Variants in CCDC57 observed in about 807,000 individuals in gnomAD.
The protein encoded by CCDC57 is coiled-coil domain-containing protein 57.
Under a neutral mutation model 118.9 loss-of-function variants are expected in CCDC57, and 118 were observed. That is an observed-to-expected ratio of 0.99 (90% CI 0.86 to 1.16). The LOEUF (loss-of-function observed/expected upper bound fraction) is 1.16, where lower values mean the gene tolerates loss of function less well. Among genes scored for constraint, CCDC57 ranks in the 50% most tolerant of loss-of-function variants. The pLI, the probability that CCDC57 is intolerant of heterozygous loss-of-function variation, is 0.00. For missense variants in CCDC57, 1,300 were observed against 1,320.7 expected, an observed-to-expected ratio of 0.98 and a Z score of 0.24; for synonymous variants, 527 against 532.9, an observed-to-expected ratio of 0.99 and a Z score of 0.15.
Position 82,151,775 on chromosome 17 carries a change from T to C in CCDC57, c.2242-2A>G. On this transcript the variant is annotated splice_acceptor_variant, in intron 15 of 19. Transcript: ENST00000665763. LOFTEE classifies it high-confidence loss of function. ...CATAGGCCCTCTCTTGGTGAGGCCCTGTAACAAAACTCACAGGCAGACACC... is the reference window on the plus strand; with the variant it reads ...CATAGGCCCTCTCTTGGTGAGGCCCCGTAACAAAACTCACAGGCAGACACC... The C allele has an allele frequency of 6.5e-7, 1 of 1,549,222 alleles. No homozygotes were observed. The highest frequency in any genetic ancestry group is 1.2e-5 in the South Asian group (1 of 84,018).
chr17:82,196,104 C>T (rs1238203689), intron 4 of CCDC57, among the ~76,000 whole-genome samples: 1 of 152,208 alleles, frequency 6.6e-6, no homozygotes, highest in East Asian at 1.9e-4. Context: ...AATGGCTGCG[C>T]CCTGCCAACT....
chr17:82,102,632 C>T (rs2034529916), intron 19 of CCDC57, among the ~76,000 whole-genome samples: 2 of 152,132 alleles, frequency 1.3e-5, no homozygotes, highest in Admixed American at 1.3e-4. Flanking sequence ...TCTGTAATCC[C>T]AGCACTTTGG....
At chr17:82,135,596 G>A (rs564938747) in intron 16 of CCDC57, among the ~76,000 whole-genome samples, 26 of 152,132 alleles carry the variant, frequency 1.7e-4, no homozygotes, top group Non-Finnish European at 3.4e-4. Context: ...GGAAATGAAC[G>A]TGTTTCCCTT....
At chr17:82,174,828 T>C (rs1021536734) in intron 11 of CCDC57, among the ~76,000 whole-genome samples, 1 of 152,268 alleles carries the variant, frequency 6.6e-6, no homozygotes, top group South Asian at 2.1e-4. Context: ...TGTAGAATTA[T>C]TGCCTTTGAG....
At chr17:82,109,583 C>A (rs866227174) in intron 19 of CCDC57, among the ~76,000 whole-genome samples, 1 of 152,120 alleles carries the variant, frequency 6.6e-6, no homozygotes, top group African/African-American at 2.4e-5. Flanking sequence ...TCCGGCCAGG[C>A]GCGGTGGCTC....
chr17:82,113,894 C>A (rs2035499674), intron 19 of CCDC57: 7 of 551,774 alleles, frequency 1.3e-5, no homozygotes, highest in Non-Finnish European at 2.3e-5. Flanking sequence ...CACAGTGAAC[C>A]AAGATTGTGC....
intron 16 of CCDC57, among the ~76,000 whole-genome samples, chr17:82,148,365 G>A (rs1484752671): frequency 0.01 from 9 of 866 alleles, no homozygotes; most frequent in Non-Finnish European, 0.017. Context: ...GGATGGATGG[G>A]TGGATGGGTG....
intron 9 of CCDC57, among the ~76,000 whole-genome samples, chr17:82,180,677 G>A (rs1009822725): frequency 1.6e-4 from 24 of 152,200 alleles, no homozygotes; most frequent in African/African-American, 3.9e-4. Flanking sequence ...GGGTTTCACC[G>A]TGTTAGCCAG....
At chr17:82,200,517 C>T (rs1474869925) in intron 3 of CCDC57, among the ~76,000 whole-genome samples, 1 of 152,166 alleles carries the variant, frequency 6.6e-6, no homozygotes, top group African/African-American at 2.4e-5. Context: ...GGCGCGGTAG[C>T]TCACGTCTAT....
rs935993565 is a variant in CCDC57, at chr17:82,201,394, A to C, written c.407+144T>G. On this transcript the variant is annotated intron_variant, in intron 3 of 19. Transcript: ENST00000665763. ...GGCCACGAGGCACTCGGCCACTCAG[A>C]CAGACCAGCTCCCGTGGCCTGGAAT... is the stretch of plus-strand genomic sequence containing the variant. 7.2e-5 allele frequency: 76 copies of C among 1,056,188 alleles called. No individual in the cohort carries two copies. The African/African-American group carries it at 1.2e-3, about 17-fold the overall frequency. The allele number at this position is 1,056,188 out of a possible 1,614,324, so 65.4% of individuals were successfully genotyped here. A position where few individuals can be genotyped will look rare whatever the true frequency, so the allele number is the denominator to read the frequency against.
exon 3 of CCDC57, chr17:82,201,905 G>A: frequency 6.2e-7 from 1 of 1,607,068 alleles, no homozygotes; most frequent in South Asian, 1.1e-5. Flanking sequence ...TTGCGAAGCA[G>A]CAGCTCATTC....
exon 14 of CCDC57, chr17:82,163,295 C>T (rs752925218): frequency 1.2e-6 from 2 of 1,614,042 alleles, no homozygotes; most frequent in Non-Finnish European, 1.7e-6. Context: ...CCAGCTTGGA[C>T]AGATCCTCCT....
chr17:82,154,728 T>A, intron 15 of CCDC57: 1 of 151,322 alleles, frequency 6.6e-6, no homozygotes, highest in Non-Finnish European at 1.5e-5. Context: ...ACGCCGTCTC[T>A]CCTGTGCAGG....
At chr17:82,121,436 T>C (rs1231465178) in intron 19 of CCDC57, among the ~76,000 whole-genome samples, 2 of 152,142 alleles carry the variant, frequency 1.3e-5, no homozygotes, top group African/African-American at 4.8e-5. Context: ...TCTAAGACTC[T>C]GTTAAGACAG....
At chr17:82,156,620 C>T (rs373609649) in intron 15 of CCDC57, 1 of 152,280 alleles carries the variant, frequency 6.6e-6, no homozygotes, top group Admixed American at 6.5e-5. Flanking sequence ...ACAAGACCTC[C>T]TTACCAACAG....
intron 19 of CCDC57, among the ~76,000 whole-genome samples, chr17:82,124,665 G>C (rs1003498653): frequency 6.6e-6 from 1 of 151,926 alleles, no homozygotes; most frequent in African/African-American, 2.4e-5. Flanking sequence ...GCGTGGTGGC[G>C]TGTCCCTGTG....
chr17:82,101,967 G>T, intron 19 of CCDC57, 101 bp from the exon 19 acceptor site: 1 of 1,155,532 alleles, frequency 8.7e-7, no homozygotes, highest in South Asian at 1.8e-5. Flanking sequence ...CCGTGTTCCC[G>T]GCCAGCGGGG....
chr17:82,169,696 G>A (rs779301220), intron 13 of CCDC57, among the ~76,000 whole-genome samples: 9 of 152,200 alleles, frequency 5.9e-5, no homozygotes, highest in Non-Finnish European at 1.3e-4. Flanking sequence ...ACACCAAGAG[G>A]ACTCGATCAA....
intron 1 of CCDC57, among the ~76,000 whole-genome samples, chr17:82,210,854 G>A (rs997313607): frequency 3.3e-5 from 5 of 149,598 alleles, no homozygotes; most frequent in Non-Finnish European, 5.9e-5. Flanking sequence ...ATTAGCTGGG[G>A]GTGGTGGTGG....
Sources: gnomAD v4.1 joint callset for allele counts (sites outside exome capture counted in the v4.1 genomes callset) on GRCh38, gnomAD v4.1.1 for gene constraint, MANE v1.5 for transcripts, NCBI Gene and HGNC (gene_info 2026-07-23, HGNC 2026-07-21) for gene names.